The following SRGAP2 variants were observed in gnomAD, a reference collection of about 807,000 sequenced individuals.
SRGAP2 encodes SLIT-ROBO Rho GTPase-activating protein 2.
SRGAP2 carries 15 observed loss-of-function variants against 57.2 expected under a neutral mutation model. That is an observed-to-expected ratio of 0.26 (90% CI 0.18 to 0.40). The LOEUF is 0.40. Among genes scored for constraint, SRGAP2 ranks in the 10% least tolerant of loss-of-function variants. SRGAP2 has a pLI of 1.00. For missense variants in SRGAP2, 520 were observed against 669.6 expected, an observed-to-expected ratio of 0.78 and a Z score of 2.47; for synonymous variants, 249 against 248.0, an observed-to-expected ratio of 1.00 and a Z score of -0.04.
At chr1:206,365,929 G>A (rs1402375003) in intron 4 of SRGAP2, among the ~76,000 whole-genome samples, 20 of 151,790 alleles carry the variant, frequency 1.3e-4, no homozygotes, top group African/African-American at 4.6e-4. Flanking sequence ...ATTATGGAGA[G>A]TGCAGACTAG....
intron 22 of SRGAP2, among the ~76,000 whole-genome samples, chr1:206,460,627 A>G (rs1664179897): frequency 6.6e-6 from 1 of 152,172 alleles, no homozygotes; most frequent in South Asian, 2.1e-4. Context: ...AGTGTTTATT[A>G]TGTACAATTT....
intron 21 of SRGAP2, 143 bp downstream of exon 21, chr1:206,455,167 C>G (rs767605032): frequency 2.7e-6 from 2 of 732,328 alleles, no homozygotes; most frequent in African/African-American, 3.4e-5. Flanking sequence ...GTGGTCATTG[C>G]TGCTGCAAGG....
intron 4 of SRGAP2, among the ~76,000 whole-genome samples, chr1:206,365,056 T>TA: frequency 7.9e-6 from 1 of 126,034 alleles, no homozygotes; most frequent in Non-Finnish European, 1.7e-5. Context: ...ACATGGAAGA[T>TA]ATGTTTGTTG....
At chr1:206,370,232 C>T (rs1380242623) in intron 4 of SRGAP2, among the ~76,000 whole-genome samples, 3 of 152,166 alleles carry the variant, frequency 2.0e-5, no homozygotes, top group South Asian at 2.1e-4. Flanking sequence ...CACCACTGCA[C>T]TCCAGCCTGG....
intron 19 of SRGAP2, 89 bp from the exon 20 acceptor site, chr1:206,453,111 G>GT (rs1663479302): frequency 2.2e-6 from 1 of 458,152 alleles, no homozygotes; most frequent in East Asian, 3.5e-5. Flanking sequence ...TCCTACCACT[G>GT]TAAGTTCAGC....
chr1:206,460,585 G>A (rs1664176317), intron 22 of SRGAP2, among the ~76,000 whole-genome samples: 1 of 152,098 alleles, frequency 6.6e-6, no homozygotes, highest in Non-Finnish European at 1.5e-5. Flanking sequence ...AGAGAATAAA[G>A]ATCATACATC....
intron 7 of SRGAP2, among the ~76,000 whole-genome samples, chr1:206,394,064 TGAGATAGAG>T (rs1657317454): frequency 8.1e-6 from 1 of 122,936 alleles, no homozygotes; most frequent in Non-Finnish European, 1.6e-5. Context: ...TTTTTTTTTT[TGAGATAGAG>T]TCTTGCTCTG....
Position 206,415,874 on chromosome 1 carries a change from C to G in SRGAP2, c.1357-15C>G. ...CAGGAGTCTGATTGCTCTTTTTCCT[C>G]CTCCTCTCTTACAGAAAATGAAAGA... On this transcript the variant is annotated splice_polypyrimidine_tract_variant and intron_variant, in intron 10 of 22. Coordinates refer to ENST00000573034, the MANE Select transcript of SRGAP2 (RefSeq NM_015326.5). The G allele has an allele frequency of 1.3e-6, 1 of 749,242 alleles. No individual in the cohort carries two copies. The allele number at this position is 749,242 out of a possible 1,614,324, so 46.4% of individuals were successfully genotyped here.
intron 10 of SRGAP2, among the ~76,000 whole-genome samples, chr1:206,409,972 A>G (rs1192670838): frequency 1.3e-5 from 2 of 149,574 alleles, no homozygotes; most frequent in African/African-American, 4.9e-5. Context: ...GTGGTGGCGC[A>G]TGCCTGTAAT....
At chr1:206,267,580 T>TA (rs1669942326) in intron 2 of SRGAP2, among the ~76,000 whole-genome samples, 1 of 151,824 alleles carries the variant, frequency 6.6e-6, no homozygotes, top group South Asian at 2.1e-4. Flanking sequence ...AAATGTCCAG[T>TA]ATGCAGTTAA....
intron 14 of SRGAP2, among the ~76,000 whole-genome samples, chr1:206,432,297 G>A (rs2103297179): frequency 6.6e-6 from 1 of 152,258 alleles, no homozygotes; most frequent in African/African-American, 2.4e-5. Context: ...GAAGCTCTGG[G>A]GAAACAGGCA....
At chr1:206,248,452 A>G (rs1383416980) in intron 2 of SRGAP2, among the ~76,000 whole-genome samples, 1 of 152,130 alleles carries the variant, frequency 6.6e-6, no homozygotes, top group Non-Finnish European at 1.5e-5. Context: ...ATAAAAATAA[A>G]TGGATTCACT....
rs541272815 is a variant in SRGAP2 at position 206,333,274 on chromosome 1, C to G, written c.261-9572C>G. 74 of 1,155,974 alleles carry G rather than the reference C, an allele frequency of 6.4e-5. No individual in the cohort carries two copies. In the African/African-American group the frequency reaches 8.9e-4, roughly 14 times the overall value. The allele number at this position is 1,155,974 out of a possible 1,614,324, so 71.6% of individuals were successfully genotyped here. A position where few individuals can be genotyped will look rare whatever the true frequency, so the allele number is the denominator to read the frequency against. ...GTCGCTCACGCTGGGAGCTGTAGAC[C>G]GGAGCTGTTCCTATTCGGCCATCTT... On this transcript the variant is annotated intron_variant, in intron 3 of 22. Coordinates refer to ENST00000573034, the MANE Select transcript of SRGAP2 (RefSeq NM_015326.5).
At chr1:206,381,110 C>T (rs532480352) in intron 4 of SRGAP2, among the ~76,000 whole-genome samples, 16 of 152,330 alleles carry the variant, frequency 1.1e-4, no homozygotes, top group Middle Eastern at 6.8e-3. Context: ...TTCAAATAAA[C>T]AGGGATAATA....
At chr1:206,247,596 A>G (rs1168336145) in intron 2 of SRGAP2, among the ~76,000 whole-genome samples, 2 of 150,826 alleles carry the variant, frequency 1.3e-5, no homozygotes, top group African/African-American at 2.4e-5. Context: ...TCTCCTTCAC[A>G]TTGAGGGGAG....
chr1:206,424,262 C>T (rs1479105945), intron 13 of SRGAP2, among the ~76,000 whole-genome samples: 1 of 151,044 alleles, frequency 6.6e-6, no homozygotes, highest in South Asian at 2.1e-4. Context: ...ATTTCATTAC[C>T]AAAAAATAAA....
intron 15 of SRGAP2, chr1:206,437,521 A>C (rs888075833): frequency 5.6e-6 from 1 of 179,918 alleles, no homozygotes; most frequent in African/African-American, 2.4e-5. Flanking sequence ...GAAATTTTCC[A>C]TAGGGAGCTC....
At chr1:206,204,916 C>CT (rs1377905199) in intron 1 of SRGAP2, 2 of 139,914 alleles carry the variant, frequency 1.4e-5, no homozygotes, top group African/African-American at 6.0e-5. Context: ...TGCCCCCCCC[C>CT]CCATCAACAT....
chr1:206,278,125 C>T (rs1191898029), intron 2 of SRGAP2, among the ~76,000 whole-genome samples: 1 of 151,832 alleles, frequency 6.6e-6, no homozygotes, highest in Non-Finnish European at 1.5e-5. Flanking sequence ...TTTTGATGAT[C>T]ATGTATCAGA....
Sources: allele counts gnomAD v4.1 joint callset (sites outside exome capture counted in the v4.1 genomes callset), GRCh38; gene constraint gnomAD v4.1.1; transcripts MANE v1.5; gene names NCBI Gene and HGNC (gene_info 2026-07-23, HGNC 2026-07-21).